Variants in LIN28B observed in about 807,000 individuals in gnomAD.
LIN28B encodes protein lin-28 homolog B.
LIN28B carries 5 observed loss-of-function variants against 21.9 expected under a neutral mutation model. That is an observed-to-expected ratio of 0.23 (90% confidence interval 0.12 to 0.48). The LOEUF is 0.48. LIN28B is among the 20% of genes least tolerant of loss of function. The pLI is 0.98. For synonymous variants in LIN28B, 109 were observed against 111.3 expected, an observed-to-expected ratio of 0.98 and a Z score of 0.13; for missense variants, 245 against 310.5, an observed-to-expected ratio of 0.79 and a Z score of 1.58.
chr6:105,022,228 A>C (rs1199318243), intron 2 of LIN28B, among the ~76,000 whole-genome samples: 1 of 152,188 alleles, frequency 6.6e-6, no homozygotes, highest in African/African-American at 2.4e-5. Context: ...AGAAACTATT[A>C]CACTTATCTT....
In LIN28B at chr6:105,081,612, C is replaced by A. The variant is rs71572246; in HGVS notation, c.*2829C>A. On this transcript the variant is annotated 3_prime_UTR_variant, in exon 4 of 4. Transcript: ENST00000345080. ...CATCTCGTTTTAGTTAGCAAAGTCT[C>A]CAAACATTTCCTTAAAATAATCATG... is the stretch of plus-strand genomic sequence containing the variant. 6.6e-6 allele frequency: 1 copy of A among 152,198 alleles called. No homozygotes were observed. The highest frequency in any genetic ancestry group is 2.4e-5 in the African/African-American group (1 of 41,436). The allele number at this position is 152,198 out of a possible 1,614,324, so 9.4% of individuals were successfully genotyped here. A position where few individuals can be genotyped will look rare whatever the true frequency, so the allele number is the denominator to read the frequency against.
chr6:104,976,127 T>C (rs1424862640), intron 2 of LIN28B, among the ~76,000 whole-genome samples: 1 of 152,186 alleles, frequency 6.6e-6, no homozygotes, highest in African/African-American at 2.4e-5. Context: ...TTTATATTAA[T>C]TACTTACTTT....
intron 3 of LIN28B, among the ~76,000 whole-genome samples, chr6:105,041,647 A>G (rs369059324): frequency 1.3e-5 from 2 of 152,208 alleles, no homozygotes; most frequent in African/African-American, 4.8e-5. Context: ...TATAGTGGTC[A>G]TAAGTGTTTC....
At chr6:105,064,840 C>T (rs947159924) in intron 3 of LIN28B, among the ~76,000 whole-genome samples, 1 of 152,116 alleles carries the variant, frequency 6.6e-6, no homozygotes, top group African/African-American at 2.4e-5. Flanking sequence ...ATGGAAAGTT[C>T]CTCCAGCCAA....
intron 2 of LIN28B, among the ~76,000 whole-genome samples, chr6:105,004,671 TAA>T (rs905879506): frequency 1.3e-5 from 2 of 152,212 alleles, no homozygotes; most frequent in African/African-American, 4.8e-5. Flanking sequence ...ATTTTTTTTG[TAA>T]AAAACAACTT....
chr6:105,056,291 G>A (rs1227085338), intron 3 of LIN28B, among the ~76,000 whole-genome samples: 4 of 151,898 alleles, frequency 2.6e-5, no homozygotes, highest in Admixed American at 1.3e-4. Context: ...ATATTGGGCT[G>A]ATAGATTGTA....
chr6:105,025,457 C>G (rs954086326), intron 2 of LIN28B, among the ~76,000 whole-genome samples: 8 of 152,154 alleles, frequency 5.3e-5, no homozygotes, highest in South Asian at 2.1e-4. Flanking sequence ...AAAAAATCAG[C>G]TATCTTTCAA....
At chr6:104,981,374 T>G (rs1331944142) in intron 2 of LIN28B, among the ~76,000 whole-genome samples, 1 of 152,216 alleles carries the variant, frequency 6.6e-6, no homozygotes, top group Non-Finnish European at 1.5e-5. Flanking sequence ...CCTTGTCAGT[T>G]CTCTGATTAA....
intron 2 of LIN28B, among the ~76,000 whole-genome samples, chr6:105,005,927 G>C (rs1171050805): frequency 1.3e-5 from 2 of 152,090 alleles, no homozygotes; most frequent in African/African-American, 2.4e-5. Context: ...GCTCTTTCTT[G>C]TTTTCAGGAG....
intron 2 of LIN28B, among the ~76,000 whole-genome samples, chr6:104,980,931 A>G (rs573590223): frequency 6.6e-6 from 1 of 152,244 alleles, no homozygotes; most frequent in East Asian, 1.9e-4. Context: ...ATTCTGCCAT[A>G]TATTTTCATG....
In LIN28B at chr6:104,950,530, TTA is replaced by T; in HGVS notation, c.67+22_67+23del. ...CCCAGGTTAGTCTTTTTTTTTTTTT[TTA>T]AATATTTTGTTTAATTAATGTTTTA... On this transcript the variant is annotated intron_variant, in intron 3 of 5. Transcript: ENST00000635857. The T allele has an allele frequency of 1.3e-5, 15 of 1,185,898 alleles. No homozygotes were observed. The African/African-American group carries it at 1.7e-4, about 14-fold the overall frequency. The allele number at this position is 1,185,898 out of a possible 1,614,324, so 73.5% of individuals were successfully genotyped here.
intron 2 of LIN28B, among the ~76,000 whole-genome samples, chr6:105,025,459 A>G (rs1270255843): frequency 2.6e-5 from 4 of 152,208 alleles, no homozygotes; most frequent in African/African-American, 7.2e-5. Flanking sequence ...AAAATCAGCT[A>G]TCTTTCAAAT....
chr6:105,007,943 C>T (rs978853280), intron 2 of LIN28B, among the ~76,000 whole-genome samples: 6 of 152,182 alleles, frequency 3.9e-5, no homozygotes, highest in Admixed American at 6.5e-5. Context: ...CCACGCCCAG[C>T]CCCCTTTTTA....
upstream of LIN28B, among the ~76,000 whole-genome samples, chr6:104,953,911 A>T (rs1315455086): frequency 6.6e-6 from 1 of 152,184 alleles, no homozygotes; most frequent in African/African-American, 2.4e-5. Flanking sequence ...CATTCCTTAT[A>T]ATTGAAAACA....
chr6:104,975,963 T>C (rs896227154), intron 2 of LIN28B, among the ~76,000 whole-genome samples: 1 of 151,632 alleles, frequency 6.6e-6, no homozygotes, highest in Non-Finnish European at 1.5e-5. Context: ...ATTACAGGCA[T>C]GAGCCACTGT....
intron 2 of LIN28B, among the ~76,000 whole-genome samples, chr6:104,962,780 A>G (rs1769773251): frequency 6.6e-6 from 1 of 152,168 alleles, no homozygotes; most frequent in South Asian, 2.1e-4. Flanking sequence ...TAAGCATAAA[A>G]TCATTTTTCA....
intron 2 of LIN28B, among the ~76,000 whole-genome samples, chr6:105,002,269 T>C (rs1018428223): frequency 6.6e-6 from 1 of 151,682 alleles, no homozygotes; most frequent in African/African-American, 2.4e-5. Context: ...AAGATCCTGC[T>C]CTCTGATACA....
chr6:105,073,411 G>A (rs1772369201), intron 3 of LIN28B, among the ~76,000 whole-genome samples: 3 of 151,638 alleles, frequency 2.0e-5, no homozygotes, highest in South Asian at 4.2e-4. Context: ...TTTTTAGTCC[G>A]TTTTTCCCAG....
At chr6:104,963,506 C>T (rs754344595) in intron 2 of LIN28B, among the ~76,000 whole-genome samples, 1 of 152,132 alleles carries the variant, frequency 6.6e-6, no homozygotes, top group Non-Finnish European at 1.5e-5. Flanking sequence ...GAATTGGGTA[C>T]ATATTGAAGA....
Sources: gnomAD v4.1 joint callset for allele counts (sites outside exome capture counted in the v4.1 genomes callset) on GRCh38, gnomAD v4.1.1 for gene constraint, MANE v1.5 for transcripts, NCBI Gene and HGNC (gene_info 2026-07-23, HGNC 2026-07-21) for gene names.